Variants in IGSF3 observed in about 807,000 individuals in gnomAD.
IGSF3 encodes immunoglobulin superfamily member 3.
In IGSF3, 23 loss-of-function variants were observed where a neutral mutation model predicts 114.4. The observed-to-expected ratio is 0.20, with a 90% CI of 0.14 to 0.28. The LOEUF is 0.28. Among genes scored for constraint, IGSF3 ranks in the 10% least tolerant of loss-of-function variants. IGSF3 has a pLI of 1.00. For synonymous variants in IGSF3, 571 were observed against 645.2 expected (o/e 0.88, Z 1.74); for missense variants, 1,172 against 1,591.5 (o/e 0.74, Z 4.48).
rs1273577177 is a variant in IGSF3, at chr1:116,583,328, C to A, written c.2848+1317G>T. ...TTCGGGAAAAGACATGCAGCCATTT[C>A]TAGGCAAGGTAAAAAGCAAAAAATA... On this transcript the variant is annotated intron_variant, in intron 9 of 10. Transcript: ENST00000369486. The surrounding 1 kb of genome is among the most constrained non-coding windows in gnomAD (Gnocchi z 4.5). 6.6e-6 allele frequency among the ~76,000 whole-genome samples: 1 copy of A among 152,176 alleles called. No homozygotes were observed. The highest frequency in any genetic ancestry group is 2.4e-5 in the African/African-American group (1 of 41,426).
In IGSF3 at chr1:116,592,193, A is replaced by C. The variant is rs1241959311; in HGVS notation, c.2030-3089T>G. Among the ~76,000 whole-genome samples the C allele has an allele frequency of 6.6e-6, 1 of 152,216 alleles. No individual in the cohort carries two copies. The highest frequency in any genetic ancestry group is 1.5e-5 in the Non-Finnish European group (1 of 68,044). On this transcript the variant is annotated intron_variant, in intron 7 of 10. Coordinates refer to ENST00000369486, the MANE Select transcript of IGSF3 (RefSeq NM_001007237.3). The surrounding 1 kb of genome is among the most constrained non-coding windows in gnomAD (Gnocchi z 4.5). Reference sequence around the variant, plus strand: ...GAATCTGCACTTTAACAAGATCCCCAGGTGATTCACAAGTAGCTTCAAGCC... The same window carrying C: ...GAATCTGCACTTTAACAAGATCCCCCGGTGATTCACAAGTAGCTTCAAGCC...
At chr1:116,653,428 C>G (rs533166437) in intron 2 of IGSF3, among the ~76,000 whole-genome samples, 181 of 152,330 alleles carry the variant, frequency 1.2e-3, no homozygotes, top group East Asian at 6.7e-3. Flanking sequence ...TTACTTCCCC[C>G]CAAATCAGAG....
rs1242535757 is a variant in IGSF3, at chr1:116,636,387, G to A, written c.44-19930C>T. On this transcript the variant is annotated intron_variant, in intron 2 of 10. Transcript: ENST00000369486. This position sits in a 1 kb window ranked among gnomAD's most constrained non-coding sequence, Gnocchi z 4.5. ...CTTAGGACAGTTTTCATGCAAACTG[G>A]TTCTTCCAGGTTCTTATGCCTGGAA... is the stretch of plus-strand genomic sequence containing the variant. Among the ~76,000 whole-genome samples the A allele has an allele frequency of 1.3e-5, 2 of 152,110 alleles. No individual in the cohort carries two copies. Among genetic ancestry groups the A allele is most frequent in the Non-Finnish European group, 2.9e-5 (2 of 68,026 alleles).
intron 2 of IGSF3, among the ~76,000 whole-genome samples, chr1:116,659,195 G>A (rs1039685045): frequency 3.9e-5 from 6 of 152,044 alleles, no homozygotes; most frequent in Non-Finnish European, 7.4e-5. Flanking sequence ...CTGGGCTGAC[G>A]ACTGCTTGGA....
chr1:116,625,918 G>C lies in IGSF3; in HGVS notation c.44-9461C>G, dbSNP rs1211976919. Among the ~76,000 whole-genome samples the C allele has an allele frequency of 6.6e-6, 1 of 152,176 alleles. No homozygotes were observed. The highest frequency in any genetic ancestry group is 1.5e-5 in the Non-Finnish European group (1 of 68,036). On this transcript the variant is annotated intron_variant, in intron 2 of 10. Transcript: ENST00000369486. The surrounding 1 kb of genome is among the most constrained non-coding windows in gnomAD (Gnocchi z 4.7). Reference sequence around the variant, plus strand: ...TCATCCCAACCTGACTGATCTCTCTGATGTCTGCACTGCTGTGTCACTAGA... The same window carrying C: ...TCATCCCAACCTGACTGATCTCTCTCATGTCTGCACTGCTGTGTCACTAGA...
intron 2 of IGSF3, among the ~76,000 whole-genome samples, chr1:116,617,944 C>G (rs1370105215): frequency 6.6e-6 from 1 of 152,268 alleles, no homozygotes; most frequent in Non-Finnish European, 1.5e-5. Flanking sequence ...TTTTCCCCCA[C>G]AAATGGGAAT....
rs1199881375 is a variant in IGSF3 at position 116,616,106 on chromosome 1, C to T, written c.395G>A (p.Ser132Asn). ...CACTAGGTTCATCTTTGCACTGTAA[C>T]TCCCAAAGTATTGCTTATCAGTGCT... Reference protein sequence around the residue: ...TPSTDKQYFGSYSAKMNLVVI... With the variant: ...TPSTDKQYFGNYSAKMNLVVI... The change falls in exon 3 of 11, where the codon AGT (serine) becomes AAT (asparagine). Residue 132 changes from serine to asparagine, a missense_variant. Coordinates refer to ENST00000369486, the MANE Select transcript of IGSF3 (RefSeq NM_001007237.3). This position sits in a 1 kb window ranked among gnomAD's most constrained non-coding sequence, Gnocchi z 6.6. 2 of 1,605,566 alleles carry T rather than the reference C, an allele frequency of 1.2e-6. No homozygotes were observed. The highest frequency in any genetic ancestry group is 2.2e-5 in the South Asian group (2 of 90,940).
rs1192670261 is a variant in IGSF3, at chr1:116,657,128, A to C, written c.43+9156T>G. Among the ~76,000 whole-genome samples, 1 of 152,170 alleles carries C rather than the reference A, an allele frequency of 6.6e-6. No individual in the cohort carries two copies. The highest frequency in any genetic ancestry group is 1.9e-4 in the East Asian group (1 of 5,198). ...TTTCCTTTTGGGGGCGTTATACAAA[A>C]AAGACTGTAAAATTTCATTCTCTGA... is the stretch of plus-strand genomic sequence containing the variant. On this transcript the variant is annotated intron_variant, in intron 2 of 10. Transcript: ENST00000369486. This position sits in a 1 kb window ranked among gnomAD's most constrained non-coding sequence, Gnocchi z 4.2.
chr1:116,599,879 C>G, intron 7 of IGSF3, 62 bp downstream of exon 7: 4 of 1,498,304 alleles, frequency 2.7e-6, no homozygotes, highest in Non-Finnish European at 3.6e-6. Context: ...GCACACCTTT[C>G]TTTTTCCCTC....
Position 116,647,255 on chromosome 1 carries a change from C to G in IGSF3, c.43+19029G>C, listed in dbSNP as rs964595669. 6.6e-6 allele frequency among the ~76,000 whole-genome samples: 1 copy of G among 152,236 alleles called. No individual in the cohort carries two copies. Among genetic ancestry groups the G allele is most frequent in the African/African-American group, 2.4e-5 (1 of 41,460 alleles). Reference sequence around the variant, plus strand: ...GCGATGTCTGAGGCTGGCGTGAGTGCTCCATGCTCAGAGATACCTAGAACC... The same window carrying G: ...GCGATGTCTGAGGCTGGCGTGAGTGGTCCATGCTCAGAGATACCTAGAACC... On this transcript the variant is annotated intron_variant, in intron 2 of 10. Coordinates refer to ENST00000369486, the MANE Select transcript of IGSF3 (RefSeq NM_001007237.3). This position sits in a 1 kb window ranked among gnomAD's most constrained non-coding sequence, Gnocchi z 4.6.
rs1198248801 is a variant in IGSF3, at chr1:116,632,953, G to GT, written c.44-16497dup. Among the ~76,000 whole-genome samples the GT allele has an allele frequency of 5.9e-5, 9 of 152,256 alleles. No homozygotes were observed. The highest frequency in any genetic ancestry group is 1.3e-4 in the Admixed American group (2 of 15,284). On this transcript the variant is annotated intron_variant, in intron 2 of 10. Coordinates refer to ENST00000369486, the MANE Select transcript of IGSF3 (RefSeq NM_001007237.3). The surrounding 1 kb of genome is among the most constrained non-coding windows in gnomAD (Gnocchi z 5.1). ...AGAGACACTGGGACCTGTGTGGAGA[G>GT]TTTCTTCACTGCAGCTATCCTGCCA...
In IGSF3 at chr1:116,577,204, T is replaced by A. The variant is rs1431523058; in HGVS notation, c.*108A>T. ...TGGAACACTTTTCAAGTCTGACAAC[T>A]TTCCACACACATGCACCCCAGAGTT... On this transcript the variant is annotated 3_prime_UTR_variant, in exon 11 of 11. Coordinates refer to ENST00000369486, the MANE Select transcript of IGSF3 (RefSeq NM_001007237.3). This position sits in a 1 kb window ranked among gnomAD's most constrained non-coding sequence, Gnocchi z 5.7. 4.7e-6 allele frequency: 6 copies of A among 1,280,512 alleles called. No homozygotes were observed. The highest frequency in any genetic ancestry group is 6.4e-6 in the Non-Finnish European group (6 of 933,910). The allele number at this position is 1,280,512 out of a possible 1,614,324, so 79.3% of individuals were successfully genotyped here. A position where few individuals can be genotyped will look rare whatever the true frequency, so the allele number is the denominator to read the frequency against.
At chr1:116,659,339 T>C (rs1282845893) in intron 2 of IGSF3, among the ~76,000 whole-genome samples, 1 of 152,184 alleles carries the variant, frequency 6.6e-6, no homozygotes, top group African/African-American at 2.4e-5. Context: ...CCATGGTCTT[T>C]GTTAAGTGCC....
rs1659961178 is a variant in IGSF3 at position 116,588,763 on chromosome 1, G to A, written c.2371C>T (p.Pro791Ser). ...GCCAGCTTGTACCAGGCGTAGTTGG[G>A]GCTCAGCAGCCACTCCTCCACGTGG... ...YCHVEEWLLS[P>S]NYAWYKLAEE... Residue 791 changes from proline (P) to serine (S), a missense_variant, in exon 8 of 11, where the codon CCC (proline) becomes TCC (serine). This residue lies in a region of IGSF3 where 13 missense variants were observed against 39.7 expected (regional missense o/e 0.33). Transcript: ENST00000369486. This position sits in a 1 kb window ranked among gnomAD's most constrained non-coding sequence, Gnocchi z 4.9. 1 of 1,614,086 alleles carries A rather than the reference G, an allele frequency of 6.2e-7. No homozygotes were observed. The highest frequency in any genetic ancestry group is 8.5e-7 in the Non-Finnish European group (1 of 1,179,994).
In IGSF3 at chr1:116,577,066, A is replaced by G; in HGVS notation, c.*246T>C. On this transcript the variant is annotated 3_prime_UTR_variant, in exon 11 of 11. Transcript: ENST00000369486. This position sits in a 1 kb window ranked among gnomAD's most constrained non-coding sequence, Gnocchi z 5.7. Reference sequence around the variant, plus strand: ...ACCTGGAGCTACTCACTACATTACTAAAAACAGAAACAAGAAATCTATAAT... The same window carrying G: ...ACCTGGAGCTACTCACTACATTACTGAAAACAGAAACAAGAAATCTATAAT... 2.0e-6 allele frequency: 1 copy of G among 509,078 alleles called. No homozygotes were observed. The allele number at this position is 509,078 out of a possible 1,614,324, so 31.5% of individuals were successfully genotyped here. A position where few individuals can be genotyped will look rare whatever the true frequency, so the allele number is the denominator to read the frequency against.
rs1386775826 is a variant in IGSF3, at chr1:116,661,893, G to A, written c.43+4391C>T. On this transcript the variant is annotated intron_variant, in intron 2 of 10. Transcript: ENST00000369486. The surrounding 1 kb of genome is among the most constrained non-coding windows in gnomAD (Gnocchi z 4.0). ...TGGAAGTGATGTATATAACTTCCAGGAAGTATCCTTACATTAAGAGGTCCT... is the reference window on the plus strand; with the variant it reads ...TGGAAGTGATGTATATAACTTCCAGAAAGTATCCTTACATTAAGAGGTCCT... Among the ~76,000 whole-genome samples, 1 of 152,136 alleles carries A rather than the reference G, an allele frequency of 6.6e-6. No individual in the cohort carries two copies. Among genetic ancestry groups the A allele is most frequent in the Non-Finnish European group, 1.5e-5 (1 of 68,018 alleles).
rs892459258 is a variant in IGSF3, at chr1:116,627,047, T to C, written c.44-10590A>G. ...AAATTAAAAGGCAAGATCAGATTAC[T>C]TGCCTGTAAATGTTCTCCCTGTAAT... On this transcript the variant is annotated intron_variant, in intron 2 of 10. Coordinates refer to ENST00000369486, the MANE Select transcript of IGSF3 (RefSeq NM_001007237.3). This position sits in a 1 kb window ranked among gnomAD's most constrained non-coding sequence, Gnocchi z 4.7. Among the ~76,000 whole-genome samples the C allele has an allele frequency of 6.6e-6, 1 of 152,196 alleles. No individual in the cohort carries two copies. Among genetic ancestry groups the C allele is most frequent in the African/African-American group, 2.4e-5 (1 of 41,442 alleles).
intron 6 of IGSF3, among the ~76,000 whole-genome samples, chr1:116,602,307 A>G (rs1660624623): frequency 2.6e-5 from 4 of 152,124 alleles, no homozygotes; most frequent in Admixed American, 2.6e-4. Context: ...TTCTAGAGAA[A>G]CAATCCTCAC....
chr1:116,634,286 G>A lies in IGSF3; in HGVS notation c.44-17829C>T, dbSNP rs1366315222. 3.3e-5 allele frequency among the ~76,000 whole-genome samples: 5 copies of A among 152,132 alleles called. No individual in the cohort carries two copies. Among genetic ancestry groups the A allele is most frequent in the African/African-American group, 4.8e-5 (2 of 41,402 alleles). Reference sequence around the variant, plus strand: ...AATTTTAAATTTCTCCTAATAAAACGCTGTTTAAAAATCTAAGAGGAAAAA... The same window carrying A: ...AATTTTAAATTTCTCCTAATAAAACACTGTTTAAAAATCTAAGAGGAAAAA... On this transcript the variant is annotated intron_variant, in intron 2 of 10. Coordinates refer to ENST00000369486, the MANE Select transcript of IGSF3 (RefSeq NM_001007237.3). This position sits in a 1 kb window ranked among gnomAD's most constrained non-coding sequence, Gnocchi z 4.2.
Sources: allele counts gnomAD v4.1 joint callset (sites outside exome capture counted in the v4.1 genomes callset), GRCh38; gene constraint gnomAD v4.1.1; regional missense constraint gnomAD v4.1.1; non-coding constraint Gnocchi (gnomAD v3.1); transcripts MANE v1.5; gene names NCBI Gene and HGNC (gene_info 2026-07-23, HGNC 2026-07-21).